Variants in SLC25A21 observed in about 807,000 individuals in gnomAD.
SLC25A21 encodes the protein solute carrier family 25 member 21, also known as mitochondrial 2-oxodicarboxylate carrier.
Under a neutral mutation model 43.8 loss-of-function variants are expected in SLC25A21, and 47 were observed. The ratio of observed to expected loss-of-function variants is 1.07; its 90% CI spans 0.85 to 1.37. The LOEUF is 1.37. Among genes scored for constraint, SLC25A21 ranks in the 40% most tolerant of loss-of-function variants. The probability of loss-of-function intolerance (pLI) is 0.00; values close to 1 mark genes in which losing one functional copy is unlikely to be tolerated. For synonymous variants in SLC25A21, 131 were observed against 121.3 expected (o/e 1.08, Z -0.52); for missense variants, 352 against 350.2 (o/e 1.00, Z -0.04).
At chr14:36,922,439 G>C (rs1212393256) in intron 1 of SLC25A21, among the ~76,000 whole-genome samples, 2 of 152,030 alleles carry the variant, frequency 1.3e-5, no homozygotes, top group Non-Finnish European at 2.9e-5. Context: ...ACAAAGATTA[G>C]AGCTCAGGAA....
intron 1 of SLC25A21, among the ~76,000 whole-genome samples, chr14:37,031,019 T>C (rs1282995325): frequency 3.3e-5 from 5 of 152,338 alleles, no homozygotes; most frequent in Admixed American, 6.5e-5. Flanking sequence ...ATTCCAAAGA[T>C]TGGCAATCTT....
At chr14:36,768,979 ATATCTG>A (rs1203364344) in intron 3 of SLC25A21, among the ~76,000 whole-genome samples, 2 of 114,874 alleles carry the variant, frequency 1.7e-5, no homozygotes, top group Non-Finnish European at 3.6e-5. Context: ...ATCTATATCT[ATATCTG>A]TATCTATATT....
chr14:37,161,643 G>T (rs1387492043), intron 1 of SLC25A21, among the ~76,000 whole-genome samples: 2 of 152,084 alleles, frequency 1.3e-5, no homozygotes, highest in African/African-American at 2.4e-5. Flanking sequence ...CTTATAAGAA[G>T]AGGGACACAA....
At chr14:37,015,651 T>C (rs989356901) in intron 1 of SLC25A21, among the ~76,000 whole-genome samples, 250 of 151,490 alleles carry the variant, frequency 1.7e-3, no homozygotes, top group African/African-American at 4.4e-3. Context: ...AGTTTACAGT[T>C]CCACCAACAG....
At chr14:37,016,639 G>A (rs1960863257) in intron 1 of SLC25A21, among the ~76,000 whole-genome samples, 1 of 152,052 alleles carries the variant, frequency 6.6e-6, no homozygotes, top group Non-Finnish European at 1.5e-5. Context: ...CAGTCAGCTT[G>A]TCCTTTAAGC....
intron 1 of SLC25A21, among the ~76,000 whole-genome samples, chr14:37,142,733 A>T (rs549551510): frequency 1.2e-4 from 19 of 152,270 alleles, no homozygotes; most frequent in African/African-American, 4.6e-4. Flanking sequence ...ACAACCACTG[A>T]AATTAGGCAG....
chr14:37,088,457 T>C (rs1962525221), intron 1 of SLC25A21, among the ~76,000 whole-genome samples: 1 of 152,230 alleles, frequency 6.6e-6, no homozygotes, highest in Non-Finnish European at 1.5e-5. Context: ...TTATTATGAA[T>C]ATTTGTTCTG....
At chr14:37,172,224 G>A in intron 1 of SLC25A21, 57 bp downstream of exon 1, 2 of 1,511,540 alleles carry the variant, frequency 1.3e-6, no homozygotes, top group Non-Finnish European at 1.8e-6. Flanking sequence ...AACGGTTTCA[G>A]GACACGCGGT....
intron 1 of SLC25A21, among the ~76,000 whole-genome samples, chr14:36,890,197 C>T (rs964207017): frequency 6.6e-6 from 1 of 152,078 alleles, no homozygotes; most frequent in Non-Finnish European, 1.5e-5. Context: ...GCCAGGAAAA[C>T]ATCATAAAAT....
At chr14:36,889,633 T>C (rs1011260574) in intron 1 of SLC25A21, among the ~76,000 whole-genome samples, 1 of 151,990 alleles carries the variant, frequency 6.6e-6, no homozygotes, top group Non-Finnish European at 1.5e-5. Flanking sequence ...ATTACAGGCA[T>C]GTACCACTAT....
chr14:36,814,407 A>G (rs1888380070), intron 2 of SLC25A21, among the ~76,000 whole-genome samples: 1 of 152,172 alleles, frequency 6.6e-6, no homozygotes, highest in Non-Finnish European at 1.5e-5. Flanking sequence ...ATTTAGTATG[A>G]AGGTTAAAAA....
At chr14:37,167,493 GAACTTCATTTATAGTTTACAGTTT>G (rs1234536025) in intron 1 of SLC25A21, among the ~76,000 whole-genome samples, 1 of 151,148 alleles carries the variant, frequency 6.6e-6, no homozygotes, top group Non-Finnish European at 1.5e-5. Flanking sequence ...ACTTTGGGAG[GAACTTCATTTATAGTTTACAGTTT>G]AAAACAAAGA....
chr14:36,811,905 C>T (rs1284176208), intron 3 of SLC25A21, among the ~76,000 whole-genome samples: 14 of 151,932 alleles, frequency 9.2e-5, no homozygotes, highest in African/African-American at 2.9e-4. Flanking sequence ...CATTAGATAT[C>T]AGGATGGAAA....
Position 36,707,216 on chromosome 14 carries a change from C to T in SLC25A21, c.603+4102G>A, listed in dbSNP as rs145342964. 4.5e-3 allele frequency among the ~76,000 whole-genome samples: 681 copies of T among 152,338 alleles called. 4 individuals are homozygous for T. The highest frequency in any genetic ancestry group is 0.016 in the African/African-American group (652 of 41,584). Reference sequence around the variant, plus strand: ...CATTCTTCAGCTCAAATGTCACTTCCTCAGGGAAGCCTTCCCTGACCATCA... The same window carrying T: ...CATTCTTCAGCTCAAATGTCACTTCTTCAGGGAAGCCTTCCCTGACCATCA... On this transcript the variant is annotated intron_variant, in intron 7 of 9. Coordinates refer to ENST00000331299, the MANE Select transcript of SLC25A21 (RefSeq NM_030631.4).
intron 1 of SLC25A21, among the ~76,000 whole-genome samples, chr14:36,949,480 G>A (rs924396834): frequency 1.3e-5 from 2 of 152,116 alleles, no homozygotes; most frequent in African/African-American, 4.8e-5. Flanking sequence ...CACAATAAAG[G>A]TTAAGTCATT....
intron 9 of SLC25A21, among the ~76,000 whole-genome samples, chr14:36,683,323 G>GTAA (rs1882376050): frequency 6.6e-6 from 1 of 152,236 alleles, no homozygotes; most frequent in Non-Finnish European, 1.5e-5. Context: ...CCCAGGAGAG[G>GTAA]TAAGCAGCTA....
intron 1 of SLC25A21, among the ~76,000 whole-genome samples, chr14:36,939,787 A>G (rs1466090852): frequency 6.6e-6 from 1 of 152,174 alleles, no homozygotes; most frequent in African/African-American, 2.4e-5. Flanking sequence ...AGACACAGGA[A>G]CTTAAAAATC....
intron 6 of SLC25A21, among the ~76,000 whole-genome samples, chr14:36,714,273 C>A (rs1488352200): frequency 6.6e-6 from 1 of 152,108 alleles, no homozygotes; most frequent in East Asian, 1.9e-4. Flanking sequence ...TTTTTTTCTT[C>A]ATTCCTTCTG....
At chr14:36,742,427 T>C (rs1885310687) in intron 3 of SLC25A21, among the ~76,000 whole-genome samples, 2 of 152,136 alleles carry the variant, frequency 1.3e-5, no homozygotes, top group African/African-American at 4.8e-5. Context: ...ACTACACCTT[T>C]AGGGCATTAT....
Sources: allele counts gnomAD v4.1 joint callset (sites outside exome capture counted in the v4.1 genomes callset), GRCh38; gene constraint gnomAD v4.1.1; transcripts MANE v1.5; gene names NCBI Gene and HGNC (gene_info 2026-07-23, HGNC 2026-07-21).